Variants in MDGA2 observed in about 807,000 individuals in gnomAD.
MDGA2 encodes the protein MAM domain containing glycosylphosphatidylinositol anchor 2.
A neutral mutation model predicts 117.8 loss-of-function variants in MDGA2; 40 were observed. The ratio of observed to expected loss-of-function variants is 0.34; its 90% CI spans 0.26 to 0.44. The LOEUF is 0.44. Ranked by LOEUF, MDGA2 falls within the 20% of genes least tolerant of loss-of-function variation. The probability of loss-of-function intolerance (pLI) is 1.00; values close to 1 mark genes in which losing one functional copy is unlikely to be tolerated. For missense variants in MDGA2, 1,123 were observed against 1,250.6 expected, an observed-to-expected ratio of 0.90 and a Z score of 1.54; for synonymous variants, 452 against 439.0, an observed-to-expected ratio of 1.03 and a Z score of -0.37.
At chr14:47,203,627 T>C (rs1013441487) in intron 3 of MDGA2, among the ~76,000 whole-genome samples, 7 of 151,824 alleles carry the variant, frequency 4.6e-5, no homozygotes, top group African/African-American at 7.3e-5. Context: ...CCAAGCAAGA[T>C]TGCACAGTGA....
intron 11 of MDGA2, among the ~76,000 whole-genome samples, chr14:46,878,746 T>C (rs1184291559): frequency 1.3e-5 from 2 of 151,984 alleles, no homozygotes; most frequent in Non-Finnish European, 2.9e-5. Flanking sequence ...AATTTTAAAA[T>C]TAGTAAAAAT....
chr14:47,404,216 C>T (rs1220881185), intron 1 of MDGA2, among the ~76,000 whole-genome samples: 8 of 150,788 alleles, frequency 5.3e-5, no homozygotes, highest in East Asian at 1.9e-4. Context: ...GACAGGGTCT[C>T]GCTCTTTCAC....
At chr14:46,964,964 T>C (rs1479118213) in intron 8 of MDGA2, among the ~76,000 whole-genome samples, 48 of 110,336 alleles carry the variant, frequency 4.4e-4, no homozygotes, top group African/African-American at 8.7e-4. Context: ...CGCTCTGTCG[T>C]CCAGGCTGGA....
intron 8 of MDGA2, among the ~76,000 whole-genome samples, chr14:47,013,753 T>C (rs1219719691): frequency 5.9e-5 from 8 of 136,078 alleles, no homozygotes; most frequent in Non-Finnish European, 1.3e-4. Flanking sequence ...TTATTAGGTA[T>C]GAAAACATTA....
At chr14:47,072,551 ATAGTT>A (rs1379388880) in intron 6 of MDGA2, among the ~76,000 whole-genome samples, 1 of 152,210 alleles carries the variant, frequency 6.6e-6, no homozygotes, top group Non-Finnish European at 1.5e-5. Context: ...TATGATAGTG[ATAGTT>A]TAAAGTATTG....
intron 3 of MDGA2, among the ~76,000 whole-genome samples, chr14:47,179,518 C>T (rs1394469186): frequency 6.6e-6 from 1 of 152,020 alleles, no homozygotes; most frequent in Non-Finnish European, 1.5e-5. Flanking sequence ...GTTCACAACA[C>T]ATCCCTGTAT....
intron 1 of MDGA2, among the ~76,000 whole-genome samples, chr14:47,404,740 C>T (rs764186079): frequency 9.2e-5 from 14 of 151,892 alleles, no homozygotes; most frequent in Non-Finnish European, 1.8e-4. Context: ...GCAATCCTCC[C>T]GCCTTGGCCT....
intron 7 of MDGA2, among the ~76,000 whole-genome samples, chr14:47,049,402 CCA>C (rs1450508657): frequency 6.9e-6 from 1 of 144,408 alleles, no homozygotes; most frequent in African/African-American, 2.5e-5. Flanking sequence ...TCTCATCTTC[CCA>C]CACATGTTAA....
chr14:46,854,977 A>G (rs2138300386), intron 15 of MDGA2, 47 bp downstream of exon 15: 1 of 1,486,900 alleles, frequency 6.7e-7, no homozygotes, highest in Non-Finnish European at 9.1e-7. Context: ...CACCTTTAAT[A>G]TTATGCTCAT....
At chr14:47,190,970 G>C (rs1355078389) in intron 3 of MDGA2, among the ~76,000 whole-genome samples, 1 of 151,964 alleles carries the variant, frequency 6.6e-6, no homozygotes, top group Non-Finnish European at 1.5e-5. Flanking sequence ...TCACTTTTTC[G>C]GGAGACATTC....
intron 3 of MDGA2, among the ~76,000 whole-genome samples, chr14:47,155,917 T>C (rs1352146281): frequency 4.3e-5 from 3 of 69,876 alleles, no homozygotes; most frequent in East Asian, 8.6e-4. Flanking sequence ...TTTTTTTTTT[T>C]TTTTTTTTTT....
At chr14:47,179,052 A>G (rs965835164) in intron 3 of MDGA2, among the ~76,000 whole-genome samples, 17 of 152,136 alleles carry the variant, frequency 1.1e-4, no homozygotes, top group African/African-American at 3.4e-4. Context: ...TATCATTAGA[A>G]TGTTAACTTG....
intron 1 of MDGA2, among the ~76,000 whole-genome samples, chr14:47,357,667 G>A (rs1166814304): frequency 6.6e-6 from 1 of 152,192 alleles, no homozygotes; most frequent in East Asian, 1.9e-4. Flanking sequence ...TTCCTCTGTT[G>A]GGGATACTAG....
At chr14:46,966,830 C>CCA (rs1886050341) in intron 8 of MDGA2, among the ~76,000 whole-genome samples, 1 of 151,198 alleles carries the variant, frequency 6.6e-6, no homozygotes, top group African/African-American at 2.4e-5. Flanking sequence ...ATATTTAAAT[C>CCA]CATATAGAGA....
intron 1 of MDGA2, among the ~76,000 whole-genome samples, chr14:47,398,478 G>T (rs1892064033): frequency 6.6e-6 from 1 of 152,068 alleles, no homozygotes. Context: ...TGGAGAGGTT[G>T]TTATGGGGAT....
chr14:47,451,390 C>G (rs1051711957), intron 1 of MDGA2, among the ~76,000 whole-genome samples: 1 of 152,020 alleles, frequency 6.6e-6, no homozygotes, highest in African/African-American at 2.4e-5. Flanking sequence ...TTGCTCATTT[C>G]CAACATATAT....
chr14:47,573,204 CA>C (rs2138825112), intron 1 of MDGA2, among the ~76,000 whole-genome samples: 1 of 152,196 alleles, frequency 6.6e-6, no homozygotes, highest in African/African-American at 2.4e-5. Flanking sequence ...TAAGTTCCAT[CA>C]AAATATCAAT....
intron 9 of MDGA2, among the ~76,000 whole-genome samples, chr14:46,954,292 CA>C (rs1885479530): frequency 6.6e-6 from 1 of 151,940 alleles, no homozygotes; most frequent in African/African-American, 2.4e-5. Context: ...GGACAGTTGA[CA>C]AAACTGTTCT....
chr14:47,604,060 G>A (rs1193869900), intron 1 of MDGA2, among the ~76,000 whole-genome samples: 1 of 152,070 alleles, frequency 6.6e-6, no homozygotes, highest in East Asian at 1.9e-4. Flanking sequence ...TCAAATAAAT[G>A]TCTTTTATTT....
Sources: gnomAD v4.1 joint callset for allele counts (sites outside exome capture counted in the v4.1 genomes callset) on GRCh38, gnomAD v4.1.1 for gene constraint, MANE v1.5 for transcripts, NCBI Gene and HGNC (gene_info 2026-07-23, HGNC 2026-07-21) for gene names.